The following CELF6 variants were observed in gnomAD, a reference collection of about 807,000 sequenced individuals.
The protein encoded by CELF6 is CUGBP Elav-like family member 6.
CELF6 carries 32 observed loss-of-function variants against 53.1 expected under a neutral mutation model. The observed-to-expected ratio is 0.60, with a 90% CI of 0.46 to 0.81. The LOEUF (loss-of-function observed/expected upper bound fraction) is 0.81, where lower values mean the gene tolerates loss of function less well. CELF6 is among the 30% of genes least tolerant of loss of function. The probability of loss-of-function intolerance (pLI) is 0.00; values close to 1 mark genes in which losing one functional copy is unlikely to be tolerated. For synonymous variants in CELF6, 291 were observed against 288.8 expected, an observed-to-expected ratio of 1.01 and a Z score of -0.08; for missense variants, 539 against 669.5, an observed-to-expected ratio of 0.81 and a Z score of 2.15.
chr15:72,289,383 G>A lies in CELF6; in HGVS notation c.872C>T (p.Pro291Leu), dbSNP rs2087971791. The A allele has an allele frequency of 6.4e-7, 1 of 1,553,976 alleles. No individual in the cohort carries two copies. Among genetic ancestry groups the A allele is most frequent in the Non-Finnish European group, 8.6e-7 (1 of 1,158,264 alleles). ...GTCCCTGGGGGCCGTACCTGCCGCG[G>A]GCAACAGAGGCGCAGCTACCAGGCT... ...AFSLVAAPLL[P>L]AAAANSPPGS... The change falls in exon 7 of 13, where the codon CCC becomes CTC. Residue 291 changes from proline (P) to leucine (L), a missense_variant. Pro to Leu is a moderately conservative substitution (Grantham distance 98). Around this residue, in one of 3 missense-constraint regions of CELF6, gnomAD observed 358 missense variants for 412.8 expected, o/e 0.87. Transcript: ENST00000287202. The surrounding 1 kb of genome is among the most constrained non-coding windows in gnomAD (Gnocchi z 7.6).
At chr15:72,316,002 T>TTGTCAACTTAGTGG in intron 1 of CELF6, 75 bp from the exon 2 acceptor site, 3 of 1,012,938 alleles carry the variant, frequency 3.0e-6, no homozygotes, top group Non-Finnish European at 4.4e-6. Flanking sequence ...CCCACTAAGT[T>TTGTCAACTTAGTGG]GACAAACTTA....
intron 3 of CELF6, among the ~76,000 whole-genome samples, chr15:72,300,790 C>T (rs76731580): frequency 0.032 from 4,778 of 151,404 alleles, 153 homozygotes; most frequent in African/African-American, 0.075. Context: ...GTGGAGATGG[C>T]GCCACTGTAC....
chr15:72,305,814 C>T lies in CELF6; in HGVS notation c.346-1020G>A, dbSNP rs146777247. Among the ~76,000 whole-genome samples, 425 of 151,630 alleles carry T rather than the reference C, an allele frequency of 2.8e-3. 8 individuals are homozygous for T. In the South Asian group the frequency reaches 0.028, roughly 10 times the overall value. ...TGGACATCCCCACTAGAAAGTCCCA[C>T]GGGCGCCTTCACTCAACACACCCAA... On this transcript the variant is annotated intron_variant, in intron 2 of 12. Coordinates refer to ENST00000287202, the MANE Select transcript of CELF6 (RefSeq NM_052840.5).
rs567201384 is a variant in CELF6 at position 72,299,083 on chromosome 15, C to T, written c.394+5663G>A. 3.3e-5 allele frequency among the ~76,000 whole-genome samples: 5 copies of T among 151,880 alleles called. No homozygotes were observed. The South Asian group carries it at 1.0e-3, about 32-fold the overall frequency. ...ATTGGCAGGGTGCGGTAGCAGGCGC[C>T]TCTAGTTCCAGCTACTCGGGAGGGT... On this transcript the variant is annotated intron_variant, in intron 3 of 12. Coordinates refer to ENST00000287202, the MANE Select transcript of CELF6 (RefSeq NM_052840.5).
At chr15:72,287,050 A>G (rs969500486) in intron 12 of CELF6, among the ~76,000 whole-genome samples, 187 bp downstream of exon 12, 4 of 152,204 alleles carry the variant, frequency 2.6e-5, no homozygotes, top group South Asian at 2.1e-4. Flanking sequence ...ATGTTGTCCA[A>G]TTGATCTCCT....
Position 72,319,573 on chromosome 15 carries a change from T to A in CELF6, c.262+40A>T. ...GGGCTGGGGTCGGGCCACACTCTAA[T>A]CGGATTGGGGCTGGGCTGGGCTGGG... On this transcript the variant is annotated intron_variant, in intron 1 of 12. Coordinates refer to ENST00000287202, the MANE Select transcript of CELF6 (RefSeq NM_052840.5). This position sits in a 1 kb window ranked among gnomAD's most constrained non-coding sequence, Gnocchi z 5.0. 4 of 1,491,444 alleles carry A rather than the reference T, an allele frequency of 2.7e-6. No homozygotes were observed. The highest frequency in any genetic ancestry group is 3.6e-6 in the Non-Finnish European group (4 of 1,113,746). The allele number at this position is 1,491,444 out of a possible 1,614,324, so 92.4% of individuals were successfully genotyped here.
intron 2 of CELF6, among the ~76,000 whole-genome samples, chr15:72,309,372 T>C (rs935139972): frequency 5.3e-5 from 8 of 152,138 alleles, no homozygotes; most frequent in African/African-American, 1.9e-4. Context: ...TAGAAAGAAA[T>C]GAACAGATTT....
chr15:72,315,674 G>C (rs2088353242), intron 2 of CELF6, among the ~76,000 whole-genome samples, 171 bp downstream of exon 2: 1 of 152,172 alleles, frequency 6.6e-6, no homozygotes, highest in South Asian at 2.1e-4. Context: ...CAGAAGATTG[G>C]ATGTAACAAA....
chr15:72,297,584 T>G (rs2088097179), intron 3 of CELF6, among the ~76,000 whole-genome samples: 1 of 152,248 alleles, frequency 6.6e-6, no homozygotes, highest in Non-Finnish European at 1.5e-5. Context: ...AAGGAAATTC[T>G]GACACATCCT....
At chr15:72,310,139 ATTC>A (rs1455554671) in intron 2 of CELF6, among the ~76,000 whole-genome samples, 1 of 152,046 alleles carries the variant, frequency 6.6e-6, no homozygotes, top group Non-Finnish European at 1.5e-5. Flanking sequence ...GATGCCAACT[ATTC>A]TTTTCACTGA....
At chr15:72,308,792 G>A (rs1272536962) in intron 2 of CELF6, among the ~76,000 whole-genome samples, 2 of 151,256 alleles carry the variant, frequency 1.3e-5, no homozygotes, top group African/African-American at 4.9e-5. Context: ...TGCAATCTCC[G>A]CCTCCCAGGT....
At chr15:72,315,769 CA>C (rs2088354898) in intron 2 of CELF6, 75 bp downstream of exon 2, 7 of 996,962 alleles carry the variant, frequency 7.0e-6, no homozygotes, top group Non-Finnish European at 1.0e-5. Flanking sequence ...CCAGCCCCCA[CA>C]TGCTGCTTTG....
Position 72,288,708 on chromosome 15 carries a change from C to T in CELF6, c.1094-90G>A. The T allele has an allele frequency of 1.4e-6, 2 of 1,407,562 alleles. No individual in the cohort carries two copies. The highest frequency in any genetic ancestry group is 2.5e-5 in the South Asian group (2 of 78,830). 87.2% of individuals were successfully genotyped at this position (1,407,562 alleles called of 1,614,324 possible). On this transcript the variant is annotated intron_variant, in intron 9 of 12. Coordinates refer to ENST00000287202, the MANE Select transcript of CELF6 (RefSeq NM_052840.5). The surrounding 1 kb of genome is among the most constrained non-coding windows in gnomAD (Gnocchi z 4.6). ...GCCTGGCCGCTTTTGACCAATTCAG[C>T]CCAGTCCACCATAACCCTCACCCCA...
Position 72,289,967 on chromosome 15 carries a change from CG to C in CELF6, c.574del (p.Arg192GlyfsTer49), listed in dbSNP as rs2087984060. On this transcript the variant is annotated frameshift_variant, in exon 5 of 13. Coordinates refer to ENST00000287202, the MANE Select transcript of CELF6 (RefSeq NM_052840.5). LOFTEE classifies it high-confidence loss of function. This position sits in a 1 kb window ranked among gnomAD's most constrained non-coding sequence, Gnocchi z 7.6. Reference sequence around the variant, plus strand: ...CATGGTCCGGCTGCCGTGCAGACCCCGGATGGCCGCCTGAGCTTCCCCTTGA... The same window carrying C: ...CATGGTCCGGCTGCCGTGCAGACCCCGATGGCCGCCTGAGCTTCCCCTTGA... The part of the protein sequence containing the change: ...GSQGEAQAAI[R>X]GLHGSRTMAG... 6.3e-7 allele frequency: 1 copy of C among 1,581,494 alleles called. No individual in the cohort carries two copies. The highest frequency in any genetic ancestry group is 1.2e-5 in the South Asian group (1 of 86,914).
chr15:72,314,593 T>C (rs965972139), intron 2 of CELF6, among the ~76,000 whole-genome samples: 1 of 141,696 alleles, frequency 7.1e-6, no homozygotes, highest in African/African-American at 2.9e-5. Flanking sequence ...CCCAGTGTTT[T>C]TTTTTTTTTT....
rs138785135 is a variant in CELF6 at position 72,319,524 on chromosome 15, C to T, written c.262+89G>A. 458 of 1,417,096 alleles carry T rather than the reference C, an allele frequency of 3.2e-4. 4 individuals are homozygous for T. The East Asian group carries it at 0.011, about 36-fold the overall frequency. 87.8% of individuals were successfully genotyped at this position (1,417,096 alleles called of 1,614,324 possible). On this transcript the variant is annotated intron_variant, in intron 1 of 12. Transcript: ENST00000287202. The surrounding 1 kb of genome is among the most constrained non-coding windows in gnomAD (Gnocchi z 5.0). ...ATATTGGACTGGTGTTGGACTGGCT[C>T]TCGGCAGGGCTAGGGCTGGGGCTGG...
At chr15:72,293,999 ATG>A (rs2088042107) in intron 3 of CELF6, among the ~76,000 whole-genome samples, 1 of 152,240 alleles carries the variant, frequency 6.6e-6, no homozygotes, top group East Asian at 1.9e-4. Context: ...CCAGTCTCAA[ATG>A]CTTTTTGAGT....
In CELF6 at chr15:72,289,497, T is replaced by A; in HGVS notation, c.758A>T (p.His253Leu). ...CGAYTTAILQ[H>L]QAALLAAAQG... ...TGCCGCCGCCAGCAGGGCCGCCTGGTGCTGCAGGATCTTTGAGAGGAAAGA... is the reference window on the plus strand; with the variant it reads ...TGCCGCCGCCAGCAGGGCCGCCTGGAGCTGCAGGATCTTTGAGAGGAAAGA... The change falls in exon 7 of 13, where the codon CAC becomes CTC. Residue 253 changes from histidine (H) to leucine (L), a missense_variant. His to Leu is a moderately conservative substitution (Grantham distance 99, BLOSUM62 -3). Transcript: ENST00000287202. This position sits in a 1 kb window ranked among gnomAD's most constrained non-coding sequence, Gnocchi z 7.6. The A allele has an allele frequency of 6.6e-7, 1 of 1,519,538 alleles. No individual in the cohort carries two copies. The highest frequency in any genetic ancestry group is 8.8e-7 in the Non-Finnish European group (1 of 1,139,204). 94.1% of individuals were successfully genotyped at this position (1,519,538 alleles called of 1,614,324 possible).
rs1360677951 is a variant in CELF6 at position 72,289,759 on chromosome 15, G to A, written c.615C>T (p.Ser205=). 1.4e-6 allele frequency: 2 copies of A among 1,455,598 alleles called. No individual in the cohort carries two copies. The highest frequency in any genetic ancestry group is 1.4e-5 in the South Asian group (1 of 71,392). 90.2% of individuals were successfully genotyped at this position (1,455,598 alleles called of 1,614,324 possible). ...TGTCCGCCAGCTTGACCACGAGGCT[G>A]GACGAGGCGCCCTGGGCAGGGCAGG... is the stretch of plus-strand genomic sequence containing the variant. ...HGSRTMAGAS[S]SLVVKLADTD... The change falls in exon 6 of 13, where the codon TCC becomes TCT. Residue 205 remains serine, a synonymous_variant. Transcript: ENST00000287202. This position sits in a 1 kb window ranked among gnomAD's most constrained non-coding sequence, Gnocchi z 7.6.
Sources: gnomAD v4.1 joint callset for allele counts (sites outside exome capture counted in the v4.1 genomes callset) on GRCh38, gnomAD v4.1.1 for gene constraint, gnomAD v4.1.1 regional missense constraint, Gnocchi (gnomAD v3.1) non-coding constraint, MANE v1.5 for transcripts, NCBI Gene and HGNC (gene_info 2026-07-23, HGNC 2026-07-21) for gene names.